The following ANKRD12 variants were observed in gnomAD, a reference collection of about 807,000 sequenced individuals.
ANKRD12 encodes the protein ankyrin repeat domain-containing protein 12.
In ANKRD12, 85 loss-of-function variants were observed where a neutral mutation model predicts 183.4. That is an observed-to-expected ratio of 0.46 (90% CI 0.39 to 0.56). ANKRD12 has a LOEUF of 0.56. Ranked by LOEUF, ANKRD12 falls within the 20% of genes least tolerant of loss-of-function variation. The pLI is 0.00. For synonymous variants in ANKRD12, 914 were observed against 800.2 expected, an observed-to-expected ratio of 1.14 and a Z score of -2.40; for missense variants, 2,405 against 2,357.1, an observed-to-expected ratio of 1.02 and a Z score of -0.42.
At chr18:9,234,631 G>T (rs957484554) in intron 8 of ANKRD12, among the ~76,000 whole-genome samples, 2 of 152,268 alleles carry the variant, frequency 1.3e-5, no homozygotes, top group East Asian at 3.9e-4. Context: ...CTCCTGGGAT[G>T]TGGAGATATG....
intron 8 of ANKRD12, among the ~76,000 whole-genome samples, chr18:9,232,494 G>C (rs1029056881): frequency 5.3e-5 from 8 of 152,150 alleles, no homozygotes; most frequent in African/African-American, 1.7e-4. Context: ...GTCTGATGGT[G>C]GTGGGGGGAG....
chr18:9,198,385 A>G (rs2144462763), intron 3 of ANKRD12, among the ~76,000 whole-genome samples: 1 of 152,256 alleles, frequency 6.6e-6, no homozygotes, highest in South Asian at 2.1e-4. Flanking sequence ...GAATGACAAA[A>G]TTGTTTTTGG....
chr18:9,254,197 T>G lies in ANKRD12; in HGVS notation c.944-14T>G. The G allele has an allele frequency of 6.7e-7, 1 of 1,490,102 alleles. No homozygotes were observed. Among genetic ancestry groups the G allele is most frequent in the African/African-American group, 1.4e-5 (1 of 69,902 alleles). 92.3% of individuals were successfully genotyped at this position (1,490,102 alleles called of 1,614,324 possible). A position where few individuals can be genotyped will look rare whatever the true frequency, so the allele number is the denominator to read the frequency against. On this transcript the variant is annotated splice_polypyrimidine_tract_variant and intron_variant, in intron 8 of 12. Coordinates refer to ENST00000262126, the MANE Select transcript of ANKRD12 (RefSeq NM_015208.5). ...TTGTTTGACCCACACCACATTTTCT[T>G]TTTTTTATTCTAGATTCCGAAGAGG...
chr18:9,212,989 T>C (rs1162442870), intron 6 of ANKRD12, among the ~76,000 whole-genome samples: 1 of 151,924 alleles, frequency 6.6e-6, no homozygotes, highest in Non-Finnish European at 1.5e-5. Context: ...CTATCAAATA[T>C]GTAAAGATTT....
chr18:9,234,003 T>C (rs1006635515), intron 8 of ANKRD12, among the ~76,000 whole-genome samples: 4 of 152,166 alleles, frequency 2.6e-5, no homozygotes, highest in African/African-American at 9.7e-5. Flanking sequence ...GATGATCCCC[T>C]GGATTCTAAG....
chr18:9,166,075 A>G (rs1056511420), intron 1 of ANKRD12, among the ~76,000 whole-genome samples: 16 of 152,018 alleles, frequency 1.1e-4, no homozygotes, highest in Non-Finnish European at 2.2e-4. Context: ...GCTGCATAGT[A>G]TTCCATGGTG....
intron 1 of ANKRD12, among the ~76,000 whole-genome samples, chr18:9,173,870 A>G (rs566165186): frequency 6.6e-6 from 1 of 152,254 alleles, no homozygotes; most frequent in South Asian, 2.1e-4. Context: ...GTACCCTAAA[A>G]CTTAAAGTAT....
rs376041175 is a variant in ANKRD12 at position 9,258,053 on chromosome 18, G to C, written c.4786G>C (p.Ala1596Pro). ...AGAAAAGGACTTTAATGGAAGTGATGCCTCTACCCAGCTAAATACACATTA... is the reference window on the plus strand; with the variant it reads ...AGAAAAGGACTTTAATGGAAGTGATCCCTCTACCCAGCTAAATACACATTA... ...PSEKDFNGSD[A>P]STQLNTHYAF... The change falls in exon 9 of 13, where the codon GCC becomes CCC. Residue 1596 changes from alanine to proline, a missense_variant. By Grantham distance (27) the Ala-to-Pro change is conservative (BLOSUM62 -1). Coordinates refer to ENST00000262126, the MANE Select transcript of ANKRD12 (RefSeq NM_015208.5). 1 of 1,613,346 alleles carries C rather than the reference G, an allele frequency of 6.2e-7. No individual in the cohort carries two copies.
chr18:9,279,679 T>G (rs1444869807), intron 12 of ANKRD12, 35 bp downstream of exon 12: 5 of 1,219,570 alleles, frequency 4.1e-6, no homozygotes, highest in Non-Finnish European at 5.8e-6. Flanking sequence ...AAATGAATGC[T>G]TCCCCCTTCT....
intron 8 of ANKRD12, among the ~76,000 whole-genome samples, chr18:9,228,880 T>C (rs2144836134): frequency 6.6e-6 from 1 of 150,952 alleles, no homozygotes; most frequent in Middle Eastern, 3.4e-3. Context: ...AATCTTTGCC[T>C]AGACCAATGT....
intron 8 of ANKRD12, among the ~76,000 whole-genome samples, chr18:9,248,819 G>A (rs751974574): frequency 7.2e-5 from 11 of 152,196 alleles, no homozygotes; most frequent in African/African-American, 2.7e-4. Flanking sequence ...TCTGTGCTCC[G>A]CATGGCAGTT....
intron 1 of ANKRD12, among the ~76,000 whole-genome samples, chr18:9,181,173 A>T (rs1015492076): frequency 6.6e-6 from 1 of 152,164 alleles, no homozygotes; most frequent in Non-Finnish European, 1.5e-5. Context: ...GAAAGATTTG[A>T]ACCATTTTTC....
chr18:9,217,579 A>AT (rs1361559093), intron 7 of ANKRD12, among the ~76,000 whole-genome samples: 2 of 152,170 alleles, frequency 1.3e-5, no homozygotes, highest in Non-Finnish European at 2.9e-5. Flanking sequence ...TCTATAAGGC[A>AT]TTTTTCCATG....
chr18:9,145,709 A>G (rs1160323729), intron 1 of ANKRD12, among the ~76,000 whole-genome samples: 1 of 152,248 alleles, frequency 6.6e-6, no homozygotes, highest in East Asian at 1.9e-4. Flanking sequence ...AGTTGAGAAC[A>G]GCCACAATTA....
intron 1 of ANKRD12, among the ~76,000 whole-genome samples, chr18:9,170,098 G>C (rs970533550): frequency 1.3e-5 from 2 of 152,234 alleles, no homozygotes; most frequent in African/African-American, 4.8e-5. Flanking sequence ...AGTCTGATGG[G>C]CTTGCCTTTG....
intron 9 of ANKRD12, among the ~76,000 whole-genome samples, chr18:9,261,093 C>T (rs1156511101): frequency 1.3e-5 from 2 of 150,202 alleles, no homozygotes; most frequent in African/African-American, 5.1e-5. Context: ...TCCTTCACTC[C>T]CTCCTCCATC....
At chr18:9,210,725 C>CAA (rs71168045) in intron 5 of ANKRD12, among the ~76,000 whole-genome samples, 9 of 84,602 alleles carry the variant, frequency 1.1e-4, no homozygotes, top group African/African-American at 2.3e-4. Context: ...GACTCTGTCT[C>CAA]AAAAAAAAAA....
rs145571511 is a variant in ANKRD12, at chr18:9,270,731, C to T, written c.5764-4793C>T. On this transcript the variant is annotated intron_variant, in intron 10 of 12. Coordinates refer to ENST00000262126, the MANE Select transcript of ANKRD12 (RefSeq NM_015208.5). ...TGTATACATATGTAACAAACCTGCA[C>T]GTTGTGCACATGTACCCTAAAACTT... 1.1e-3 allele frequency among the ~76,000 whole-genome samples: 171 copies of T among 152,146 alleles called. 2 individuals are homozygous for T. Among genetic ancestry groups the T allele is most frequent in the African/African-American group, 3.9e-3 (161 of 41,502 alleles).
chr18:9,272,638 A>G (rs2039659812), intron 10 of ANKRD12, among the ~76,000 whole-genome samples: 1 of 152,110 alleles, frequency 6.6e-6, no homozygotes, highest in African/African-American at 2.4e-5. Context: ...ATTGCTTTTA[A>G]TCTCTGCAGG....
Sources: allele counts gnomAD v4.1 joint callset (sites outside exome capture counted in the v4.1 genomes callset), GRCh38; gene constraint gnomAD v4.1.1; transcripts MANE v1.5; gene names NCBI Gene and HGNC (gene_info 2026-07-23, HGNC 2026-07-21).